DAB1: variants seen among roughly 807,000 people sequenced by gnomAD.
The protein encoded by DAB1 is DAB adaptor protein 1.
Under a neutral mutation model 64.6 loss-of-function variants are expected in DAB1, and 15 were observed. The observed-to-expected ratio is 0.23, with a 90% confidence interval of 0.16 to 0.36. The LOEUF (loss-of-function observed/expected upper bound fraction) is 0.36, where lower values mean the gene tolerates loss of function less well. Among genes scored for constraint, DAB1 ranks in the 10% least tolerant of loss-of-function variants. The probability of loss-of-function intolerance (pLI) is 1.00; values close to 1 mark genes in which losing one functional copy is unlikely to be tolerated. For missense variants in DAB1, 596 were observed against 706.7 expected (o/e 0.84, Z 1.78); for synonymous variants, 235 against 251.9 (o/e 0.93, Z 0.64).
At chr1:57,255,964 A>G (rs761361392) in intron 2 of DAB1, among the ~76,000 whole-genome samples, 1 of 152,224 alleles carries the variant, frequency 6.6e-6, no homozygotes, top group Non-Finnish European at 1.5e-5. Flanking sequence ...TATTAAATGT[A>G]TATCTTAAAT....
At chr1:57,168,081 T>G (rs1359127671) in intron 2 of DAB1, among the ~76,000 whole-genome samples, 3 of 152,128 alleles carry the variant, frequency 2.0e-5, no homozygotes, top group African/African-American at 7.2e-5. Flanking sequence ...CACTCATATC[T>G]CCCCTAGATA....
intron 2 of DAB1, among the ~76,000 whole-genome samples, chr1:57,152,293 G>C (rs901502557): frequency 6.6e-6 from 1 of 152,144 alleles, no homozygotes; most frequent in Non-Finnish European, 1.5e-5. Context: ...TGTATCGAAT[G>C]GTTTGAAGAT....
intron 5 of DAB1, among the ~76,000 whole-genome samples, chr1:58,106,020 C>G (rs1163701002): frequency 3.3e-5 from 5 of 152,184 alleles, no homozygotes; most frequent in Non-Finnish European, 1.5e-5. Flanking sequence ...CATATCTTTG[C>G]AAAGAATTTT....
intron 4 of DAB1, among the ~76,000 whole-genome samples, chr1:58,226,713 T>G (rs960724817): frequency 6.6e-6 from 1 of 152,226 alleles, no homozygotes; most frequent in African/African-American, 2.4e-5. Context: ...TTTTGTATAA[T>G]CCTTAGGAGG....
At chr1:57,157,207 T>C (rs1238296518) in intron 2 of DAB1, among the ~76,000 whole-genome samples, 3 of 151,146 alleles carry the variant, frequency 2.0e-5, no homozygotes, top group Non-Finnish European at 4.4e-5. Flanking sequence ...AAGATAAGTA[T>C]TTTTTTTTCC....
intron 1 of DAB1, among the ~76,000 whole-genome samples, chr1:57,310,065 A>G (rs955782432): frequency 2.0e-5 from 3 of 152,216 alleles, no homozygotes; most frequent in Non-Finnish European, 4.4e-5. Flanking sequence ...TTTACCATAC[A>G]TTGTTCAGTT....
chr1:57,057,100 A>G lies in DAB1; in HGVS notation c.723+5784T>C, dbSNP rs185822057. Among the ~76,000 whole-genome samples the G allele has an allele frequency of 2.2e-3, 338 of 152,266 alleles. 1 individual carries two copies. The highest frequency in any genetic ancestry group is 2.7e-3 in the Non-Finnish European group (182 of 68,006). On this transcript the variant is annotated intron_variant, in intron 9 of 14. Coordinates refer to ENST00000371236, the MANE Select transcript of DAB1 (RefSeq NM_001365792.1). ...AGGCTGTTCTTAGTGAAAAGATTCA[A>G]GGGATGAGGGTCATGAAATTGCGAG...
intron 2 of DAB1, among the ~76,000 whole-genome samples, chr1:57,247,647 C>T (rs1668987405): frequency 6.6e-6 from 1 of 152,220 alleles, no homozygotes; most frequent in Non-Finnish European, 1.5e-5. Context: ...AAGGGCACAG[C>T]TCTTCCTCTG....
intron 2 of DAB1, among the ~76,000 whole-genome samples, chr1:57,181,951 T>C (rs1399070061): frequency 1.3e-5 from 2 of 152,216 alleles, no homozygotes; most frequent in African/African-American, 4.8e-5. Context: ...AGTGGTGCCA[T>C]CTCGGCTTAC....
chr1:57,777,782 T>C (rs1224183043), intron 6 of DAB1, among the ~76,000 whole-genome samples: 1 of 152,096 alleles, frequency 6.6e-6, no homozygotes, highest in African/African-American at 2.4e-5. Flanking sequence ...TAATTTTTTC[T>C]GATTTTAGGT....
intron 3 of DAB1, chr1:58,481,278 T>A (rs1645478052): frequency 4.6e-6 from 2 of 431,326 alleles, no homozygotes; most frequent in Non-Finnish European, 8.0e-6. Flanking sequence ...AAGAATGTAT[T>A]GTTATTTTTT....
At chr1:58,473,833 A>G (rs1207478365) in intron 3 of DAB1, 2 of 591,114 alleles carry the variant, frequency 3.4e-6, no homozygotes, top group Admixed American at 2.3e-5. Flanking sequence ...CACACTTCCC[A>G]AGACTGGTGT....
At chr1:57,528,439 T>C (rs1044670852) in intron 7 of DAB1, among the ~76,000 whole-genome samples, 7 of 152,040 alleles carry the variant, frequency 4.6e-5, no homozygotes, top group Non-Finnish European at 7.4e-5. Context: ...AGGAGAGAGA[T>C]AATGGGACAG....
intron 5 of DAB1, among the ~76,000 whole-genome samples, chr1:58,043,073 G>A (rs1002169868): frequency 6.6e-6 from 1 of 152,182 alleles, no homozygotes; most frequent in African/African-American, 2.4e-5. Context: ...CAGATCAAAT[G>A]TCCTGACAGT....
At position 58,356,957 on chromosome 1, in the gene DAB1, T is replaced by G. The variant is rs536945458; in HGVS notation, n.258-13554A>C. On this transcript the variant is annotated intron_variant and non_coding_transcript_variant, in intron 3 of 20. Transcript: ENST00000485760. Reference sequence around the variant, plus strand: ...GGAGGATTGCTTTGTGCCCAGGGAGTTGAGGCTGTAGTGAGCCGTGATTGT... The same window carrying G: ...GGAGGATTGCTTTGTGCCCAGGGAGGTGAGGCTGTAGTGAGCCGTGATTGT... Among the ~76,000 whole-genome samples, 4 of 148,838 alleles carry G rather than the reference T, an allele frequency of 2.7e-5. No individual in the cohort carries two copies. The South Asian group carries it at 6.4e-4, about 24-fold the overall frequency.
At chr1:57,865,252 G>C (rs911601246) in intron 1 of DAB1, among the ~76,000 whole-genome samples, 18 of 152,158 alleles carry the variant, frequency 1.2e-4, no homozygotes, top group African/African-American at 4.3e-4. Context: ...ATAATCATGT[G>C]CATGCACTTG....
intron 3 of DAB1, among the ~76,000 whole-genome samples, chr1:58,465,451 C>T (rs1372989692): frequency 6.6e-6 from 1 of 152,192 alleles, no homozygotes; most frequent in African/African-American, 2.4e-5. Flanking sequence ...ATGACAACAA[C>T]AACGACGACA....
chr1:57,072,228 G>C, intron 5 of DAB1, 55 bp downstream of exon 5: 1 of 1,602,598 alleles, frequency 6.2e-7, no homozygotes, highest in African/African-American at 1.3e-5. Context: ...GGAGTCACTG[G>C]ACTGTCCCCC....
intron 6 of DAB1, among the ~76,000 whole-genome samples, chr1:57,738,665 A>G (rs1647813896): frequency 6.6e-6 from 1 of 152,186 alleles, no homozygotes; most frequent in African/African-American, 2.4e-5. Context: ...TTCTTTGATT[A>G]TTTATACTTA....
Sources: gnomAD v4.1 joint callset for allele counts (sites outside exome capture counted in the v4.1 genomes callset) on GRCh38, gnomAD v4.1.1 for gene constraint, MANE v1.5 for transcripts, NCBI Gene and HGNC (gene_info 2026-07-23, HGNC 2026-07-21) for gene names.